Variants in IDE observed in about 807,000 individuals in gnomAD.
IDE encodes insulin degrading enzyme, also known as insulin-degrading enzyme.
In IDE, 58 loss-of-function variants were observed where a neutral mutation model predicts 133.2. The ratio of observed to expected loss-of-function variants is 0.44; its 90% CI spans 0.35 to 0.54. IDE has a LOEUF of 0.54. Ranked by LOEUF, IDE falls within the 20% of genes least tolerant of loss-of-function variation. The probability of loss-of-function intolerance (pLI) is 0.00; values close to 1 mark genes in which losing one functional copy is unlikely to be tolerated. For synonymous variants in IDE, 396 were observed against 421.3 expected (o/e 0.94, Z 0.73); for missense variants, 981 against 1,234.0 (o/e 0.79, Z 3.07).
At chr10:92,568,524 A>G (rs1843653079) in intron 1 of IDE, among the ~76,000 whole-genome samples, 1 of 152,236 alleles carries the variant, frequency 6.6e-6, no homozygotes, top group Non-Finnish European at 1.5e-5. Flanking sequence ...ATCCAAATAT[A>G]GAATAATACA....
chr10:92,552,563 G>A lies in IDE; in HGVS notation c.99-15013C>T, dbSNP rs77151114. ...ATCTAGTGCCCAGATCTTGGTCTGC[G>A]AAGATTATTTTCTGCTCAGGTGAGT... On this transcript the variant is annotated intron_variant, in intron 1 of 24. Transcript: ENST00000265986. Among the ~76,000 whole-genome samples, 1,133 of 152,178 alleles carry A rather than the reference G, an allele frequency of 7.4e-3. 12 individuals are homozygous for A. The highest frequency in any genetic ancestry group is 0.026 in the African/African-American group (1,081 of 41,512).
intron 11 of IDE, among the ~76,000 whole-genome samples, chr10:92,498,447 A>C (rs767900353): frequency 1.3e-5 from 2 of 151,954 alleles, no homozygotes; most frequent in Non-Finnish European, 2.9e-5. Flanking sequence ...ACATGGTGAA[A>C]TCTTGTCTCT....
rs910820927 is a variant in IDE at position 92,490,557 on chromosome 10, T to A, written c.1469A>T (p.Asp490Val). Residue 490 changes from aspartate to valine, a missense_variant, in exon 12 of 25, where the codon GAT becomes GTT. This residue lies in a region of IDE where 660 missense variants were observed against 894.7 expected (regional missense o/e 0.74). Transcript: ENST00000265986. ...GGTTCCATACCACTCTTCTGTGCGATCAGTTTTTCCTTCAAAAGATTTAGA... is the reference window on the plus strand; with the variant it reads ...GGTTCCATACCACTCTTCTGTGCGAACAGTTTTTCCTTCAAAAGATTTAGA... Reference protein sequence around the residue: ...IVSKSFEGKTDRTEEWYGTQY... With the variant: ...IVSKSFEGKTVRTEEWYGTQY... 28 of 1,613,192 alleles carry A rather than the reference T, an allele frequency of 1.7e-5. No individual in the cohort carries two copies. Among genetic ancestry groups the A allele is most frequent in the Middle Eastern group, 1.7e-4 (1 of 6,060 alleles).
chr10:92,496,494 C>T (rs1428100588), intron 11 of IDE, among the ~76,000 whole-genome samples: 1 of 152,026 alleles, frequency 6.6e-6, no homozygotes, highest in African/African-American at 2.4e-5. Context: ...AAGTATGAAA[C>T]CACCTCTCTA....
At position 92,451,706 on chromosome 10, in the gene IDE, C is replaced by T. The variant is rs896788235; in HGVS notation, c.*2738G>A. On this transcript the variant is annotated 3_prime_UTR_variant, in exon 25 of 25. Transcript: ENST00000265986. ...AATGCTGACTGTGCGGGCTGGACCA[C>T]TGTCCTATGCTGGAAAAGTGAGGAA... 6.6e-6 allele frequency: 1 copy of T among 152,252 alleles called. No homozygotes were observed. The highest frequency in any genetic ancestry group is 6.5e-5 in the Admixed American group (1 of 15,278). The allele number at this position is 152,252 out of a possible 1,614,324, so 9.4% of individuals were successfully genotyped here. A position where few individuals can be genotyped will look rare whatever the true frequency, so the allele number is the denominator to read the frequency against.
In IDE at chr10:92,487,283, T is replaced by C; in HGVS notation, c.1569A>G (p.Lys523=). Residue 523 remains lysine (K), a synonymous_variant, in exon 13 of 25, where the codon AAA becomes AAG. Transcript: ENST00000265986. Reference sequence around the variant, plus strand: ...GAATAAATTCATTCTTTGTAGGAAGTTTAAATTTCCCATTCAGGTCAGCAT... The same window carrying C: ...GAATAAATTCATTCTTTGTAGGAAGCTTAAATTTCCCATTCAGGTCAGCAT... ...WQNADLNGKF[K]LPTKNEFIPT... The C allele has an allele frequency of 6.2e-7, 1 of 1,612,398 alleles. No individual in the cohort carries two copies. Among genetic ancestry groups the C allele is most frequent in the South Asian group, 1.1e-5 (1 of 90,586 alleles).
chr10:92,569,254 A>AG (rs11437287), intron 1 of IDE, among the ~76,000 whole-genome samples: 129,164 of 152,260 alleles, frequency 0.85, 55,059 homozygotes, highest in African/African-American at 0.93. Context: ...AGTTGGGCTA[A>AG]GCCAGCCAAC....
Position 92,524,453 on chromosome 10 carries a change from AT to A in IDE, c.661+7294del, listed in dbSNP as rs1447650791. Among the ~76,000 whole-genome samples the A allele has an allele frequency of 4.3e-4, 30 of 69,522 alleles. 4 individuals are homozygous for A. The highest frequency in any genetic ancestry group is 5.0e-3 in the Middle Eastern group (1 of 202). The allele number at this position is 69,522 out of a possible 152,430, so 45.6% of individuals were successfully genotyped here. A position where few individuals can be genotyped will look rare whatever the true frequency, so the allele number is the denominator to read the frequency against. ...ATATTTTATATAATATATTTTATAT[AT>A]TATATATTTTATATAATATATAATA... On this transcript the variant is annotated intron_variant, in intron 4 of 24. Transcript: ENST00000265986.
intron 1 of IDE, chr10:92,554,885 TCA>T (rs1842937965): frequency 6.6e-6 from 1 of 151,876 alleles, no homozygotes. Context: ...AAATACCTCT[TCA>T]CAGATAGCTT....
chr10:92,529,357 C>G (rs1194234410), intron 4 of IDE, among the ~76,000 whole-genome samples: 1 of 152,188 alleles, frequency 6.6e-6, no homozygotes, highest in Non-Finnish European at 1.5e-5. Flanking sequence ...ATTCTAAAAT[C>G]AGAAGGTAAC....
At chr10:92,543,275 T>C (rs533136804) in intron 1 of IDE, among the ~76,000 whole-genome samples, 1 of 152,216 alleles carries the variant, frequency 6.6e-6, no homozygotes, top group African/African-American at 2.4e-5. Context: ...CCACATAACA[T>C]TCCCAGTTCC....
At chr10:92,510,900 TATG>T (rs1170573256) in intron 5 of IDE, among the ~76,000 whole-genome samples, 1 of 151,010 alleles carries the variant, frequency 6.6e-6, no homozygotes, top group Non-Finnish European at 1.5e-5. Context: ...ATATCATATA[TATG>T]ATATTAGCAA....
At chr10:92,571,261 G>A (rs114384112) in intron 1 of IDE, among the ~76,000 whole-genome samples, 2,026 of 152,040 alleles carry the variant, frequency 0.013, 50 homozygotes, top group African/African-American at 0.045. Flanking sequence ...TGATCCCCCC[G>A]ACCTCGCCCT....
At chr10:92,520,669 A>G (rs1849176290) in intron 4 of IDE, among the ~76,000 whole-genome samples, 1 of 152,220 alleles carries the variant, frequency 6.6e-6, no homozygotes, top group African/African-American at 2.4e-5. Context: ...CTTTTGATAT[A>G]TGTGAATTTT....
intron 22 of IDE, among the ~76,000 whole-genome samples, chr10:92,457,070 C>G (rs1368175199): frequency 2.0e-5 from 3 of 151,922 alleles, no homozygotes; most frequent in African/African-American, 7.3e-5. Context: ...AAAAACTGCT[C>G]AAACTCCTAC....
At position 92,475,792 on chromosome 10, in the gene IDE, G is replaced by T. The variant is rs1846222563; in HGVS notation, c.1995+92C>A. 6 of 576,564 alleles carry T rather than the reference G, an allele frequency of 1.0e-5. No individual in the cohort carries two copies. In the South Asian group the frequency reaches 1.5e-4, roughly 15 times the overall value. 35.7% of individuals were successfully genotyped at this position (576,564 alleles called of 1,614,324 possible). ...GTTATGAATTCTTCTTTTCCTCCTTGCTTCTTTTATATTATAAAAACTATT... is the reference window on the plus strand; with the variant it reads ...GTTATGAATTCTTCTTTTCCTCCTTTCTTCTTTTATATTATAAAAACTATT... On this transcript the variant is annotated intron_variant, in intron 16 of 24. Coordinates refer to ENST00000265986, the MANE Select transcript of IDE (RefSeq NM_004969.4).
chr10:92,461,666 A>T (rs1410950689), intron 21 of IDE, among the ~76,000 whole-genome samples: 2 of 149,732 alleles, frequency 1.3e-5, no homozygotes, highest in Non-Finnish European at 3.0e-5. Flanking sequence ...AAGTATTCAC[A>T]ATTTTTTTTT....
intron 4 of IDE, among the ~76,000 whole-genome samples, chr10:92,521,998 G>T (rs1410843733): frequency 6.6e-6 from 1 of 152,024 alleles, no homozygotes; most frequent in Admixed American, 6.6e-5. Flanking sequence ...CAGGGGCAGG[G>T]TGATGCACAC....
intron 15 of IDE, 83 bp downstream of exon 15, chr10:92,479,194 C>A: frequency 1.1e-6 from 1 of 938,304 alleles, no homozygotes; most frequent in Non-Finnish European, 1.6e-6. Flanking sequence ...AAATTAAACT[C>A]ACACCCTCAA....
Sources: gnomAD v4.1 joint callset for allele counts (sites outside exome capture counted in the v4.1 genomes callset) on GRCh38, gnomAD v4.1.1 for gene constraint, gnomAD v4.1.1 regional missense constraint, MANE v1.5 for transcripts, NCBI Gene and HGNC (gene_info 2026-07-23, HGNC 2026-07-21) for gene names.